Variants in RAE1 observed in about 807,000 individuals in gnomAD.
RAE1 encodes ribonucleic acid export 1.
RAE1 carries 13 observed loss-of-function variants against 52.7 expected under a neutral mutation model. The ratio of observed to expected loss-of-function variants is 0.25; its 90% CI spans 0.16 to 0.39. The LOEUF (loss-of-function observed/expected upper bound fraction) is 0.39. Among genes scored for constraint, RAE1 ranks in the 10% least tolerant of loss-of-function variants. The probability of loss-of-function intolerance (pLI) is 1.00; values close to 1 mark genes in which losing one functional copy is unlikely to be tolerated. For synonymous variants in RAE1, 164 were observed against 153.1 expected (o/e 1.07, Z -0.52); for missense variants, 262 against 459.8 (o/e 0.57, Z 3.93).
intron 11 of RAE1, among the ~76,000 whole-genome samples, chr20:57,375,547 T>G (rs775509519): frequency 6.6e-6 from 1 of 152,058 alleles, no homozygotes; most frequent in Non-Finnish European, 1.5e-5. Flanking sequence ...CATGGCTCTT[T>G]TCTGGGCCTT....
Position 57,367,048 on chromosome 20 carries a change from A to C in RAE1, c.503A>C (p.Gln168Pro). Residue 168 changes from glutamine to proline, a missense_variant, in exon 7 of 12, where the codon CAA becomes CCA. Gln to Pro is a moderately conservative substitution (Grantham distance 76). Coordinates refer to ENST00000395841, the MANE Select transcript of RAE1 (RefSeq NM_003610.4). ...TCGTCAAATCCTATGATGGTTTTGCAACTCCCTGAAAGGTGTTACTGTGCT... is the reference window on the plus strand; with the variant it reads ...TCGTCAAATCCTATGATGGTTTTGCCACTCCCTGAAAGGTGTTACTGTGCT... ...TRSSNPMMVL[Q>P]LPERCYCADV... 1 of 1,608,290 alleles carries C rather than the reference A, an allele frequency of 6.2e-7. No individual in the cohort carries two copies. The highest frequency in any genetic ancestry group is 8.5e-7 in the Non-Finnish European group (1 of 1,174,728).
At chr20:57,361,741 G>A (rs144181865) in intron 4 of RAE1, among the ~76,000 whole-genome samples, 3 of 152,314 alleles carry the variant, frequency 2.0e-5, no homozygotes, top group Non-Finnish European at 2.9e-5. Context: ...CAGTGCTCCC[G>A]TGACTGGCTA....
At chr20:57,360,912 C>CAT (rs1376060305) in intron 4 of RAE1, among the ~76,000 whole-genome samples, 6 of 152,072 alleles carry the variant, frequency 3.9e-5, no homozygotes, top group Admixed American at 1.3e-4. Context: ...ATCTAGAGGA[C>CAT]ATTTTCACTG....
At chr20:57,357,613 G>C (rs1343840300) in intron 4 of RAE1, 2 of 152,160 alleles carry the variant, frequency 1.3e-5, no homozygotes, top group Non-Finnish European at 2.9e-5. Context: ...TAAATTTGTG[G>C]TATAGAGTTC....
intron 1 of RAE1, chr20:57,351,911 C>T: frequency 1.0e-6 from 1 of 985,546 alleles, no homozygotes; most frequent in Non-Finnish European, 1.2e-6. Flanking sequence ...ACAGGCAGTA[C>T]TTCTCCAGGC....
intron 4 of RAE1, among the ~76,000 whole-genome samples, chr20:57,360,799 A>C (rs547915899): frequency 6.6e-6 from 1 of 152,316 alleles, no homozygotes; most frequent in Non-Finnish European, 1.5e-5. Flanking sequence ...ACTTCTGTTT[A>C]TTACTAGATT....
In RAE1 at chr20:57,378,259, C is replaced by G; in HGVS notation, c.*160C>G. ...TTCAGCAGCTGAGAGCCCAGGCGTC[C>G]GCGGCGACTTGCCGTCTCTCCATTC... On this transcript the variant is annotated 3_prime_UTR_variant, in exon 12 of 12. Transcript: ENST00000395841. 1.7e-6 allele frequency: 1 copy of G among 593,624 alleles called. No individual in the cohort carries two copies. Among genetic ancestry groups the G allele is most frequent in the East Asian group, 2.8e-5 (1 of 35,490 alleles). The allele number at this position is 593,624 out of a possible 1,614,324, so 36.8% of individuals were successfully genotyped here.
intron 8 of RAE1, among the ~76,000 whole-genome samples, chr20:57,369,417 T>A (rs945251215): frequency 7.9e-5 from 12 of 152,184 alleles, no homozygotes; most frequent in Non-Finnish European, 1.0e-4. Context: ...AGACTGCAGT[T>A]AATCTTCCCT....
intron 11 of RAE1, 121 bp from the exon 12 acceptor site, chr20:57,377,892 A>G (rs2067139208): frequency 5.8e-6 from 4 of 686,400 alleles, no homozygotes; most frequent in South Asian, 4.5e-5. Context: ...TTGTTGTTTT[A>G]TTTCTCTGAG....
intron 4 of RAE1, among the ~76,000 whole-genome samples, chr20:57,361,053 A>G (rs1259792715): frequency 6.6e-6 from 1 of 152,140 alleles, no homozygotes; most frequent in Non-Finnish European, 1.5e-5. Context: ...AGCTACATTA[A>G]CTGTGTAGAA....
At chr20:57,365,301 ATAGT>A (rs1391959887) in intron 4 of RAE1, 51 bp from the exon 5 acceptor site, 2 of 1,253,518 alleles carry the variant, frequency 1.6e-6, no homozygotes, top group African/African-American at 3.1e-5. Flanking sequence ...AAATATATAT[ATAGT>A]TAAAGATTTA....
intron 4 of RAE1, among the ~76,000 whole-genome samples, chr20:57,361,550 G>A (rs887702938): frequency 6.6e-6 from 1 of 152,142 alleles, no homozygotes; most frequent in Non-Finnish European, 1.5e-5. Flanking sequence ...TTGAGCATAC[G>A]TGCATGCGTG....
rs1340450014 is a variant in RAE1 at position 57,378,574 on chromosome 20, T to G, written c.*475T>G. 1.3e-5 allele frequency: 2 copies of G among 154,084 alleles called. No individual in the cohort carries two copies. Among genetic ancestry groups the G allele is most frequent in the African/African-American group, 2.4e-5 (1 of 41,462 alleles). The allele number at this position is 154,084 out of a possible 1,614,324, so 9.5% of individuals were successfully genotyped here. ...GAGATTTCAGACACCCTCTGGGAAA[T>G]GCGGCAACCTTAGGGGAAAGGGAGT... On this transcript the variant is annotated 3_prime_UTR_variant, in exon 12 of 12. Coordinates refer to ENST00000395841, the MANE Select transcript of RAE1 (RefSeq NM_003610.4).
intron 11 of RAE1, among the ~76,000 whole-genome samples, chr20:57,375,698 C>T (rs1418147825): frequency 2.0e-5 from 3 of 152,182 alleles, no homozygotes; most frequent in Admixed American, 2.0e-4. Flanking sequence ...GTGCTCTGGC[C>T]CCTCCTCAGT....
At chr20:57,373,767 A>G in intron 10 of RAE1, 29 bp downstream of exon 10, 2 of 1,596,698 alleles carry the variant, frequency 1.3e-6, no homozygotes, top group Non-Finnish European at 1.7e-6. Flanking sequence ...TAACCGTGGT[A>G]ATACATCTGG....
At chr20:57,352,871 C>G (rs2066731164) in intron 1 of RAE1, among the ~76,000 whole-genome samples, 1 of 152,222 alleles carries the variant, frequency 6.6e-6, no homozygotes, top group Non-Finnish European at 1.5e-5. Flanking sequence ...GTTCATACAG[C>G]CAACTGGTGT....
At chr20:57,354,640 A>T in intron 2 of RAE1, 72 bp from the exon 3 acceptor site, 2 of 1,083,998 alleles carry the variant, frequency 1.8e-6, no homozygotes, top group Non-Finnish European at 2.6e-6. Context: ...TGAGGTAATT[A>T]GTGAGAAAGA....
intron 1 of RAE1, chr20:57,351,763 C>T (rs754706613): frequency 1.4e-5 from 14 of 985,548 alleles, no homozygotes; most frequent in Non-Finnish European, 1.6e-5. Flanking sequence ...GGCCGCTTTG[C>T]AGAAGGGCGT....
chr20:57,373,554 C>G lies in RAE1; in HGVS notation c.722C>G (p.Ala241Gly). The change falls in exon 9 of 12, where the codon GCT becomes GGT. Residue 241 changes from alanine (A) to glycine (G), a missense_variant. Coordinates refer to ENST00000395841, the MANE Select transcript of RAE1 (RefSeq NM_003610.4). ...FALGSIEGRV[A>G]IHYINPPNPA... ...CTGGGAAGTATCGAGGGGAGAGTTGCTATTCACTATATCAACCCCCCGAAC... is the reference window on the plus strand; with the variant it reads ...CTGGGAAGTATCGAGGGGAGAGTTGGTATTCACTATATCAACCCCCCGAAC... 1 of 1,614,058 alleles carries G rather than the reference C, an allele frequency of 6.2e-7. No individual in the cohort carries two copies. The highest frequency in any genetic ancestry group is 8.5e-7 in the Non-Finnish European group (1 of 1,179,944).
Sources: allele counts gnomAD v4.1 joint callset (sites outside exome capture counted in the v4.1 genomes callset), GRCh38; gene constraint gnomAD v4.1.1; transcripts MANE v1.5; gene names NCBI Gene and HGNC (gene_info 2026-07-23, HGNC 2026-07-21).